The following UBAP1 variants were observed in gnomAD, a reference collection of about 807,000 sequenced individuals.
UBAP1 encodes ubiquitin-associated protein 1.
A neutral mutation model predicts 39.0 loss-of-function variants in UBAP1; 5 were observed. The observed-to-expected ratio is 0.13, with a 90% CI of 0.07 to 0.27. The LOEUF is 0.27. Ranked by LOEUF, UBAP1 falls within the 10% of genes least tolerant of loss-of-function variation. UBAP1 has a pLI of 1.00. For missense variants in UBAP1, 490 were observed against 608.1 expected (o/e 0.81, Z 2.04); for synonymous variants, 211 against 225.1 (o/e 0.94, Z 0.56).
At chr9:34,226,105 T>TTGTGTGTGTGTGTGTGTGTGTGTG (rs74180553) in intron 2 of UBAP1, among the ~76,000 whole-genome samples, 29 of 88,296 alleles carry the variant, frequency 3.3e-4, no homozygotes, top group Admixed American at 4.8e-4. Context: ...TCCTACTCTA[T>TTGTGTGTGTGTGTGTGTGTGTGTG]TGTGTGTGTG....
intron 1 of UBAP1, among the ~76,000 whole-genome samples, chr9:34,214,620 T>TA (rs1463416235): frequency 6.6e-6 from 1 of 151,988 alleles, no homozygotes; most frequent in African/African-American, 2.4e-5. Context: ...GCAAATGCAA[T>TA]AAAAACAAAG....
At chr9:34,211,694 A>G (rs1203160208) in intron 1 of UBAP1, among the ~76,000 whole-genome samples, 1 of 152,058 alleles carries the variant, frequency 6.6e-6, no homozygotes, top group African/African-American at 2.4e-5. Context: ...CTGGTCTCCT[A>G]TCCCTGCCTC....
At chr9:34,186,069 C>T (rs1158150631) in intron 1 of UBAP1, among the ~76,000 whole-genome samples, 1 of 152,172 alleles carries the variant, frequency 6.6e-6, no homozygotes, top group Non-Finnish European at 1.5e-5. Context: ...TAGGTGGTCA[C>T]AGGACCATTC....
In UBAP1 at chr9:34,221,027, C is replaced by T. The variant is rs561661374; in HGVS notation, c.34+79C>T. ...GAATCACTTAGCATAGTTTTAAGTACAAGTGCCCCTTTTTGTCTCTTTTAA... is the reference window on the plus strand; with the variant it reads ...GAATCACTTAGCATAGTTTTAAGTATAAGTGCCCCTTTTTGTCTCTTTTAA... On this transcript the variant is annotated intron_variant, in intron 2 of 6. Transcript: ENST00000297661. 45 of 1,293,184 alleles carry T rather than the reference C, an allele frequency of 3.5e-5. No homozygotes were observed. The South Asian group carries it at 5.2e-4, about 15-fold the overall frequency. 80.1% of individuals were successfully genotyped at this position (1,293,184 alleles called of 1,614,324 possible).
chr9:34,242,046 C>T lies in UBAP1; in HGVS notation c.1021C>T (p.Pro341Ser), dbSNP rs1158327868. 1.2e-6 allele frequency: 2 copies of T among 1,613,938 alleles called. No individual in the cohort carries two copies. The highest frequency in any genetic ancestry group is 1.3e-5 in the African/African-American group (1 of 74,930). ...GCCAGCCCTGACATCCTCCCAGATG[C>T]CTTCCCTCTCTGTTTTGTCTGTGTG... ...EMPALTSSQM[P>S]SLSVLSVCTE... Residue 341 changes from proline (P) to serine (S), a missense_variant, in exon 4 of 7, where the codon CCT becomes TCT. Physicochemically the swap from Pro to Ser is moderately conservative, Grantham distance 74. Coordinates refer to ENST00000297661, the MANE Select transcript of UBAP1 (RefSeq NM_016525.5).
At chr9:34,237,265 C>T (rs931736103) in intron 3 of UBAP1, among the ~76,000 whole-genome samples, 8 of 152,156 alleles carry the variant, frequency 5.3e-5, no homozygotes, top group African/African-American at 1.7e-4. Flanking sequence ...AATCACTGCC[C>T]TCAAGGTACT....
chr9:34,250,152 C>T (rs759401573), intron 5 of UBAP1, among the ~76,000 whole-genome samples, 191 bp downstream of exon 5: 1 of 152,196 alleles, frequency 6.6e-6, no homozygotes, highest in East Asian at 1.9e-4. Context: ...ATTCCGGGAC[C>T]CAGGCTGAGA....
chr9:34,200,801 C>T (rs189768775), intron 1 of UBAP1, among the ~76,000 whole-genome samples: 2 of 152,176 alleles, frequency 1.3e-5, no homozygotes, highest in South Asian at 2.1e-4. Flanking sequence ...TTGGGTTTAT[C>T]ATTTCCTTCC....
intron 4 of UBAP1, among the ~76,000 whole-genome samples, chr9:34,246,654 G>A (rs904883677): frequency 7.9e-5 from 12 of 152,184 alleles, no homozygotes; most frequent in African/African-American, 2.9e-4. Context: ...CAGTGTGTCC[G>A]CTGAGTTGTG....
intron 2 of UBAP1, among the ~76,000 whole-genome samples, chr9:34,233,098 A>C (rs1401077344): frequency 6.6e-6 from 1 of 152,126 alleles, no homozygotes; most frequent in African/African-American, 2.4e-5. Context: ...TGTGCTCCTG[A>C]TGATCTTACT....
At chr9:34,210,506 G>C (rs143306818) in intron 1 of UBAP1, among the ~76,000 whole-genome samples, 3 of 152,264 alleles carry the variant, frequency 2.0e-5, no homozygotes, top group African/African-American at 7.2e-5. Context: ...ATCACCTGAG[G>C]TCAGGAGTTT....
intron 1 of UBAP1, among the ~76,000 whole-genome samples, chr9:34,206,593 C>A (rs1027604564): frequency 2.0e-5 from 3 of 148,928 alleles, no homozygotes; most frequent in Non-Finnish European, 3.0e-5. Flanking sequence ...AAAAAAAAAA[C>A]AAACCAAAAC....
intron 2 of UBAP1, chr9:34,224,693 C>A (rs1249535300): frequency 1.1e-5 from 3 of 266,654 alleles, no homozygotes; most frequent in Non-Finnish European, 2.2e-5. Flanking sequence ...TTTTAGATAT[C>A]AGGTAGTTTA....
intron 1 of UBAP1, among the ~76,000 whole-genome samples, chr9:34,194,556 C>T (rs1830915605): frequency 6.6e-6 from 1 of 152,112 alleles, no homozygotes; most frequent in South Asian, 2.1e-4. Flanking sequence ...CCTCGTGATC[C>T]TCCTGCCTCG....
intron 2 of UBAP1, among the ~76,000 whole-genome samples, chr9:34,223,477 CAG>C (rs1423704135): frequency 6.6e-6 from 1 of 151,740 alleles, no homozygotes; most frequent in East Asian, 1.9e-4. Context: ...GTTTTTGAGA[CAG>C]AGTCTCGCTC....
intron 4 of UBAP1, among the ~76,000 whole-genome samples, 174 bp from the exon 5 acceptor site, chr9:34,249,605 C>T (rs1488465126): frequency 6.6e-6 from 1 of 152,170 alleles, no homozygotes; most frequent in Non-Finnish European, 1.5e-5. Flanking sequence ...CTCCCCTACC[C>T]CTCTTTGTTC....
intron 1 of UBAP1, among the ~76,000 whole-genome samples, chr9:34,201,860 T>C (rs914338405): frequency 5.3e-5 from 8 of 152,156 alleles, no homozygotes; most frequent in Admixed American, 2.6e-4. Context: ...GCTTCACTCA[T>C]GTCAGGGTTC....
rs570976353 is a variant in UBAP1 at position 34,195,360 on chromosome 9, T to C, written c.-8+16120T>C. Among the ~76,000 whole-genome samples, 4 of 152,066 alleles carry C rather than the reference T, an allele frequency of 2.6e-5. 1 individual carries two copies. The highest frequency in any genetic ancestry group is 9.7e-5 in the African/African-American group (4 of 41,412). ...TTAATTATATATGACGTCATATGGATGGAAGATTTTTTTTGTTTGCACATA... is the reference window on the plus strand; with the variant it reads ...TTAATTATATATGACGTCATATGGACGGAAGATTTTTTTTGTTTGCACATA... On this transcript the variant is annotated intron_variant, in intron 1 of 6. Coordinates refer to ENST00000297661, the MANE Select transcript of UBAP1 (RefSeq NM_016525.5).
At chr9:34,212,088 C>T in intron 1 of UBAP1, 1 of 350,722 alleles carries the variant, frequency 2.9e-6, no homozygotes, top group Non-Finnish European at 5.7e-6. Context: ...GATACTTTCC[C>T]TTTAATAGAA....
Sources: gnomAD v4.1 joint callset for allele counts (sites outside exome capture counted in the v4.1 genomes callset) on GRCh38, gnomAD v4.1.1 for gene constraint, MANE v1.5 for transcripts, NCBI Gene and HGNC (gene_info 2026-07-23, HGNC 2026-07-21) for gene names.